Variants in CNNM2 observed in about 807,000 individuals in gnomAD.
The protein encoded by CNNM2 is cyclin and CBS domain divalent metal cation transport mediator 2.
In CNNM2, 12 loss-of-function variants were observed where a neutral mutation model predicts 66.9. The observed-to-expected ratio is 0.18, with a 90% CI of 0.11 to 0.29. CNNM2 has a LOEUF of 0.29. Among genes scored for constraint, CNNM2 ranks in the 10% least tolerant of loss-of-function variants. CNNM2 has a pLI of 1.00. For missense variants in CNNM2, 705 were observed against 1,167.7 expected (o/e 0.60, Z 5.77); for synonymous variants, 557 against 501.8 (o/e 1.11, Z -1.47).
intron 1 of CNNM2, among the ~76,000 whole-genome samples, chr10:102,952,622 CAAAAAAAA>C (rs35818455): frequency 7.9e-6 from 1 of 127,100 alleles, no homozygotes; most frequent in East Asian, 2.2e-4. Flanking sequence ...CTGTCTCTAC[CAAAAAAAA>C]AAAAAAAAAG....
chr10:102,984,319 G>T (rs1454510008), intron 1 of CNNM2, among the ~76,000 whole-genome samples: 2 of 152,176 alleles, frequency 1.3e-5, no homozygotes, highest in Non-Finnish European at 2.9e-5. Context: ...AACAATTATA[G>T]GGTTTTTATG....
chr10:103,069,428 T>A (rs2065535945), intron 5 of CNNM2, among the ~76,000 whole-genome samples: 1 of 152,246 alleles, frequency 6.6e-6, no homozygotes, highest in South Asian at 2.1e-4. Context: ...TTCCGGTTGC[T>A]CTGCATCCAG....
intron 1 of CNNM2, among the ~76,000 whole-genome samples, chr10:102,941,286 G>A (rs1185113): frequency 6.1e-4 from 70 of 114,966 alleles, no homozygotes; most frequent in African/African-American, 2.0e-3. Context: ...AAAAAATTAC[G>A]TAGTAGAGAT....
At chr10:102,992,470 A>G (rs746235096) in intron 1 of CNNM2, among the ~76,000 whole-genome samples, 72 of 151,866 alleles carry the variant, frequency 4.7e-4, no homozygotes, top group Non-Finnish European at 3.5e-4. Flanking sequence ...GATGGGTTTC[A>G]CCATGTTGGC....
At chr10:102,999,556 A>G (rs926944052) in intron 1 of CNNM2, among the ~76,000 whole-genome samples, 1 of 152,172 alleles carries the variant, frequency 6.6e-6, no homozygotes, top group African/African-American at 2.4e-5. Context: ...TTGTCGACTC[A>G]TGGATTCATG....
chr10:103,060,000 T>C (rs2065357734), intron 4 of CNNM2, among the ~76,000 whole-genome samples: 1 of 151,948 alleles, frequency 6.6e-6, no homozygotes, highest in Admixed American at 6.6e-5. Flanking sequence ...ATTAGCCGGG[T>C]TTGGTGACAG....
At chr10:103,056,436 T>C (rs935395467) in intron 3 of CNNM2, among the ~76,000 whole-genome samples, 1 of 152,226 alleles carries the variant, frequency 6.6e-6, no homozygotes, top group Non-Finnish European at 1.5e-5. Flanking sequence ...GCTTCTTCCT[T>C]TGGCTGTTGG....
At chr10:103,056,757 G>C in intron 3 of CNNM2, 38 bp from the exon 4 acceptor site, 1 of 1,581,430 alleles carries the variant, frequency 6.3e-7, no homozygotes, top group Non-Finnish European at 8.7e-7. Context: ...TTCTCTCTCT[G>C]TTTGAAATGT....
intron 4 of CNNM2, among the ~76,000 whole-genome samples, chr10:103,058,950 A>T (rs950015296): frequency 1.3e-5 from 2 of 151,966 alleles, no homozygotes; most frequent in Non-Finnish European, 2.9e-5. Context: ...TCCACTGTGG[A>T]GTTTGTTTGT....
intron 1 of CNNM2, among the ~76,000 whole-genome samples, chr10:102,996,299 G>C (rs2064003211): frequency 6.7e-6 from 1 of 148,936 alleles, no homozygotes; most frequent in South Asian, 2.1e-4. Flanking sequence ...CTTTTTATTT[G>C]GCCATCCCTC....
At chr10:102,950,981 CTTTTTTTTTTT>C (rs34870588) in intron 1 of CNNM2, among the ~76,000 whole-genome samples, 182 of 80,516 alleles carry the variant, frequency 2.3e-3, no homozygotes, top group Admixed American at 7.2e-3. Context: ...CTTTCTTTCT[CTTTTTTTTTTT>C]TTTTTTTTTT....
intron 1 of CNNM2, among the ~76,000 whole-genome samples, chr10:102,978,726 A>G (rs2063675913): frequency 6.6e-6 from 1 of 152,236 alleles, no homozygotes; most frequent in Non-Finnish European, 1.5e-5. Flanking sequence ...GTGTGTGACC[A>G]GCGCCCAGAG....
intron 1 of CNNM2, among the ~76,000 whole-genome samples, chr10:103,037,071 C>T (rs1181854346): frequency 6.6e-6 from 1 of 151,820 alleles, no homozygotes; most frequent in Non-Finnish European, 1.5e-5. Context: ...TCCTGTTGTT[C>T]CTTACAATTG....
Position 102,918,588 on chromosome 10 carries a change from C to T in CNNM2, c.108C>T (p.Arg36=). 3.2e-6 allele frequency: 5 copies of T among 1,569,954 alleles called. No individual in the cohort carries two copies. In the South Asian group the frequency reaches 4.6e-5, roughly 15 times the overall value. The part of the protein sequence containing the change: ...KMAARRSLSA[R]GRGILQAAAG... ...CGGCGCGCCGCAGCCTCAGCGCTCG[C>T]GGCCGGGGGATCCTGCAGGCGGCTG... The change falls in exon 1 of 8, where the codon CGC becomes CGT. Residue 36 remains arginine (R), a synonymous_variant. Transcript: ENST00000369878. This position sits in a 1 kb window ranked among gnomAD's most constrained non-coding sequence, Gnocchi z 4.1.
At chr10:103,036,805 C>T (rs984767952) in intron 1 of CNNM2, among the ~76,000 whole-genome samples, 5 of 152,196 alleles carry the variant, frequency 3.3e-5, no homozygotes, top group Non-Finnish European at 7.4e-5. Context: ...TAAACTTAAA[C>T]ACTAAAGCAT....
chr10:103,060,494 G>A (rs1042953110), intron 4 of CNNM2, among the ~76,000 whole-genome samples: 4 of 152,080 alleles, frequency 2.6e-5, no homozygotes, highest in African/African-American at 4.8e-5. Flanking sequence ...GCAGTGAGCC[G>A]AGATCGTGCC....
In CNNM2 at chr10:103,069,638, TGCCA is replaced by T. The variant is rs1386165242; in HGVS notation, c.2167+926_2167+929del. Among the ~76,000 whole-genome samples, 7 of 152,326 alleles carry T rather than the reference TGCCA, an allele frequency of 4.6e-5. No homozygotes were observed. The South Asian group carries it at 8.3e-4, about 18-fold the overall frequency. On this transcript the variant is annotated intron_variant, in intron 5 of 7. Transcript: ENST00000369878. ...GTTCTCTGAACACAAGATTCCAAGA[TGCCA>T]GCCAGCCAGATGTGCTCTCAGACAT...
chr10:102,937,209 G>A (rs1272119373), intron 1 of CNNM2, among the ~76,000 whole-genome samples: 1 of 151,810 alleles, frequency 6.6e-6, no homozygotes, highest in African/African-American at 2.4e-5. Context: ...TAGTCTGCCT[G>A]GAATGAAACT....
At position 102,918,594 on chromosome 10, in the gene CNNM2, G is replaced by C; in HGVS notation, c.114G>C (p.Arg38=). 1 of 1,566,058 alleles carries C rather than the reference G, an allele frequency of 6.4e-7. No homozygotes were observed. The highest frequency in any genetic ancestry group is 8.6e-7 in the Non-Finnish European group (1 of 1,159,240). Residue 38 remains arginine (R), a synonymous_variant, in exon 1 of 8, where the codon CGG becomes CGC. Transcript: ENST00000369878. This position sits in a 1 kb window ranked among gnomAD's most constrained non-coding sequence, Gnocchi z 4.1. ...AARRSLSARG[R]GILQAAAGRL... ...GCCGCAGCCTCAGCGCTCGCGGCCG[G>C]GGGATCCTGCAGGCGGCTGCGGGGC...
Sources: gnomAD v4.1 joint callset for allele counts (sites outside exome capture counted in the v4.1 genomes callset) on GRCh38, gnomAD v4.1.1 for gene constraint, Gnocchi (gnomAD v3.1) non-coding constraint, MANE v1.5 for transcripts, NCBI Gene and HGNC (gene_info 2026-07-23, HGNC 2026-07-21) for gene names.